The following AFP variants were observed in gnomAD, a reference collection of about 807,000 sequenced individuals.
AFP encodes the protein alpha fetoprotein, also known as alpha-fetoprotein.
AFP carries 64 observed loss-of-function variants against 78.9 expected under a neutral mutation model. The observed-to-expected ratio is 0.81, with a 90% CI of 0.66 to 1.00. The LOEUF (loss-of-function observed/expected upper bound fraction) is 1.00. Among genes scored for constraint, AFP ranks in the 50% least tolerant of loss-of-function variants. The pLI is 0.00. For synonymous variants in AFP, 254 were observed against 243.8 expected (o/e 1.04, Z -0.39); for missense variants, 689 against 703.8 (o/e 0.98, Z 0.24).
In AFP at chr4:73,450,094, G is replaced by A. The variant is rs1719944507; in HGVS notation, c.1250G>A (p.Gly417Asp). The A allele has an allele frequency of 6.2e-7, 1 of 1,613,540 alleles. No homozygotes were observed. The highest frequency in any genetic ancestry group is 1.3e-5 in the African/African-American group (1 of 74,890). ...ESQALAKRSC[G>D]LFQKLGEYYL... ...CAAGCATTGGCAAAGCGAAGCTGCGGCCTCTTCCAGAAACTAGGAGAATAT... is the reference window on the plus strand; with the variant it reads ...CAAGCATTGGCAAAGCGAAGCTGCGACCTCTTCCAGAAACTAGGAGAATAT... The change falls in exon 10 of 15, where the codon GGC becomes GAC. Residue 417 changes from glycine to aspartate, a missense_variant. By Grantham distance (94) the Gly-to-Asp change is moderately conservative. Transcript: ENST00000395792.
In AFP at chr4:73,440,638, G is replaced by T; in HGVS notation, c.307G>T (p.Glu103Ter). 6.2e-7 allele frequency: 1 copy of T among 1,614,130 alleles called. No homozygotes were observed. Among genetic ancestry groups the T allele is most frequent in the Non-Finnish European group, 8.5e-7 (1 of 1,180,026 alleles). Residue 103 changes from glutamate to a stop codon, truncating the protein, a stop_gained, in exon 4 of 15, where the codon GAA (glutamate) becomes TAA (stop). Coordinates refer to ENST00000395792, the MANE Select transcript of AFP (RefSeq NM_001134.3). LOFTEE classifies it high-confidence loss of function. ...AFLEELCHEK[E>*]ILEKYGHSDC... ...TCTGGAAGAACTTTGCCATGAGAAA[G>T]AAATTTTGGAGAAGTACGGACATTC... is the stretch of plus-strand genomic sequence containing the variant.
intron 10 of AFP, 55 bp from the exon 11 acceptor site, chr4:73,450,560 G>T (rs955175405): frequency 1.9e-5 from 30 of 1,612,452 alleles, no homozygotes; most frequent in Non-Finnish European, 2.5e-5. Context: ...GAAGCAAGGC[G>T]GCTAAAAACT....
intron 12 of AFP, among the ~76,000 whole-genome samples, chr4:73,453,022 A>C (rs756657483): frequency 1.3e-5 from 2 of 152,174 alleles, no homozygotes; most frequent in Non-Finnish European, 2.9e-5. Context: ...GAAGAGAATA[A>C]CCATCTTATT....
chr4:73,439,196 A>T (rs1719595107), intron 3 of AFP, among the ~76,000 whole-genome samples: 1 of 152,202 alleles, frequency 6.6e-6, no homozygotes, highest in South Asian at 2.1e-4. Flanking sequence ...TATTTATTTT[A>T]TCTCAACATA....
At chr4:73,446,223 T>C (rs1420169803) in intron 7 of AFP, among the ~76,000 whole-genome samples, 1 of 152,188 alleles carries the variant, frequency 6.6e-6, no homozygotes, top group Non-Finnish European at 1.5e-5. Context: ...CTTCTAAAAA[T>C]ATGGCATACT....
At chr4:73,442,176 C>A in intron 4 of AFP, 120 bp from the exon 5 acceptor site, 1 of 1,043,180 alleles carries the variant, frequency 9.6e-7, no homozygotes, top group Non-Finnish European at 1.4e-6. Flanking sequence ...AAGACAAAGT[C>A]AAATGCATTT....
intron 11 of AFP, among the ~76,000 whole-genome samples, chr4:73,451,680 G>A (rs1719997318): frequency 1.3e-5 from 2 of 152,262 alleles, no homozygotes; most frequent in Non-Finnish European, 2.9e-5. Context: ...AGCAACTTAT[G>A]TCATTAAGCT....
At chr4:73,452,980 C>A (rs1382173758) in intron 12 of AFP, among the ~76,000 whole-genome samples, 3 of 152,150 alleles carry the variant, frequency 2.0e-5, no homozygotes, top group Non-Finnish European at 2.9e-5. Flanking sequence ...GGAAACACAT[C>A]ATTGAATCTT....
rs56072125 is a variant in AFP at position 73,445,623 on chromosome 4, C to T, written c.843+501C>T. 4.1e-3 allele frequency among the ~76,000 whole-genome samples: 620 copies of T among 152,278 alleles called. 5 individuals carry two copies. Among genetic ancestry groups the T allele is most frequent in the African/African-American group, 0.014 (598 of 41,552 alleles). ...AGGGACTGCCTTGGTTTACTGTTAT[C>T]TCCATAGCACAATGCCTGGCACATG... On this transcript the variant is annotated intron_variant, in intron 7 of 14. Coordinates refer to ENST00000395792, the MANE Select transcript of AFP (RefSeq NM_001134.3).
chr4:73,438,035 A>T, intron 2 of AFP, 139 bp from the exon 3 acceptor site: 2 of 1,247,284 alleles, frequency 1.6e-6, no homozygotes, highest in Non-Finnish European at 2.2e-6. Flanking sequence ...AGCTAATTTT[A>T]CATAATTTTA....
At position 73,440,742 on chromosome 4, in the gene AFP, A is replaced by G. The variant is rs755560631; in HGVS notation, c.411A>G (p.Pro137=). ...AAAAGCCCACTCCAGCATCGATCCC[A>G]CTTTTCCAAGTTCCAGAACCTGTCA... ...AHKKPTPASI[P]LFQVPEPVTS... is the part of the protein sequence containing the mutation. The change falls in exon 4 of 15, where the codon CCA becomes CCG. Residue 137 remains proline, a synonymous_variant. Transcript: ENST00000395792. 10 of 1,614,052 alleles carry G rather than the reference A, an allele frequency of 6.2e-6. No individual in the cohort carries two copies. In the African/African-American group the frequency reaches 1.3e-4, roughly 22 times the overall value.
chr4:73,438,278 AAC>A lies in AFP; in HGVS notation c.244_245del (p.Gln82ValfsTer19). ...GCAATTGAGAAACCCACTGGAGATG[AAC>A]AGTCTTCAGGGTGTTTAGAAAACCA... On this transcript the variant is annotated frameshift_variant, in exon 3 of 15. Coordinates refer to ENST00000395792, the MANE Select transcript of AFP (RefSeq NM_001134.3). LOFTEE classifies it high-confidence loss of function. The A allele has an allele frequency of 6.2e-7, 1 of 1,613,376 alleles. No individual in the cohort carries two copies. Among genetic ancestry groups the A allele is most frequent in the Non-Finnish European group, 8.5e-7 (1 of 1,179,474 alleles).
chr4:73,448,380 A>G (rs1309502018), intron 8 of AFP, among the ~76,000 whole-genome samples: 4 of 152,160 alleles, frequency 2.6e-5, no homozygotes, highest in Non-Finnish European at 5.9e-5. Context: ...ATTATACTTG[A>G]TAATTTCCAA....
intron 7 of AFP, among the ~76,000 whole-genome samples, chr4:73,445,590 T>C (rs180687063): frequency 6.6e-6 from 1 of 152,292 alleles, no homozygotes; most frequent in East Asian, 1.9e-4. Flanking sequence ...AGTGACCTCC[T>C]TGGAGTTAGG....
At position 73,449,443 on chromosome 4, in the gene AFP, C is replaced by A. The variant is rs765812136; in HGVS notation, c.1167C>A (p.Asn389Lys). Reference sequence around the variant, plus strand: ...TGGAGAAGTGTTTCCAGACTGAAAACCCTCTTGAATGCCAAGATAAAGGAG... The same window carrying A: ...TGGAGAAGTGTTTCCAGACTGAAAAACCTCTTGAATGCCAAGATAAAGGAG... ...ELLEKCFQTENPLECQDKGEE... is the reference protein window; with the variant it reads ...ELLEKCFQTEKPLECQDKGEE... Residue 389 changes from asparagine (N) to lysine (K), a missense_variant, in exon 9 of 15, where the codon AAC (asparagine) becomes AAA (lysine). Coordinates refer to ENST00000395792, the MANE Select transcript of AFP (RefSeq NM_001134.3). The A allele has an allele frequency of 1.4e-5, 23 of 1,613,432 alleles. No individual in the cohort carries two copies. Among genetic ancestry groups the A allele is most frequent in the Non-Finnish European group, 1.9e-5 (23 of 1,179,674 alleles).
At chr4:73,454,004 G>T (rs1009792186) in intron 13 of AFP, 107 bp downstream of exon 13, 1 of 1,368,784 alleles carries the variant, frequency 7.3e-7, no homozygotes, top group Non-Finnish European at 1.0e-6. Context: ...TTTTCAGAGA[G>T]ATTTAAATTT....
At chr4:73,452,722 C>A in intron 12 of AFP, 98 bp downstream of exon 12, 1 of 950,226 alleles carries the variant, frequency 1.1e-6, no homozygotes, top group Non-Finnish European at 1.6e-6. Context: ...GGCTCACTAA[C>A]AGAGCGTTAC....
In AFP at chr4:73,436,326, C is replaced by A. The variant is rs1425618642; in HGVS notation, c.64C>A (p.His22Asn). Residue 22 changes from histidine to asparagine, a missense_variant, in exon 1 of 15, where the codon CAT (histidine) becomes AAT (asparagine). Transcript: ENST00000395792. ...AAATTTTACTGAATCCAGAACACTG[C>A]ATAGAAATGAATATGGAATAGGTGA... ...LLNFTESRTL[H>N]RNEYGIASIL... 4 of 1,590,870 alleles carry A rather than the reference C, an allele frequency of 2.5e-6. No individual in the cohort carries two copies. The highest frequency in any genetic ancestry group is 3.4e-6 in the Non-Finnish European group (4 of 1,163,544).
At chr4:73,453,417 T>C in intron 12 of AFP, 1 of 270,230 alleles carries the variant, frequency 3.7e-6, no homozygotes, top group Non-Finnish European at 7.3e-6. Flanking sequence ...TGGGCAGGAT[T>C]CGGAGATCTG....
Sources: gnomAD v4.1 joint callset for allele counts (sites outside exome capture counted in the v4.1 genomes callset) on GRCh38, gnomAD v4.1.1 for gene constraint, MANE v1.5 for transcripts, NCBI Gene and HGNC (gene_info 2026-07-23, HGNC 2026-07-21) for gene names.